Variants in TSPAN12 observed in about 807,000 individuals in gnomAD.
TSPAN12 encodes the protein tetraspanin-12.
Under a neutral mutation model 39.2 loss-of-function variants are expected in TSPAN12, and 19 were observed. The observed-to-expected ratio is 0.49, with a 90% CI of 0.34 to 0.71. The LOEUF (loss-of-function observed/expected upper bound fraction) is 0.71. Ranked by LOEUF, TSPAN12 falls within the 30% of genes least tolerant of loss-of-function variation. TSPAN12 has a pLI of 0.01. For synonymous variants in TSPAN12, 119 were observed against 124.8 expected, an observed-to-expected ratio of 0.95 and a Z score of 0.31; for missense variants, 314 against 359.9, an observed-to-expected ratio of 0.87 and a Z score of 1.03.
chr7:120,803,781 C>G (rs1433218736), intron 7 of TSPAN12, among the ~76,000 whole-genome samples: 1 of 152,106 alleles, frequency 6.6e-6, no homozygotes, highest in African/African-American at 2.4e-5. Flanking sequence ...AATAGTATGG[C>G]TTGTTTCAAT....
chr7:120,817,644 G>C (rs1794110091), intron 4 of TSPAN12, among the ~76,000 whole-genome samples: 2 of 152,158 alleles, frequency 1.3e-5, no homozygotes, highest in Non-Finnish European at 2.9e-5. Context: ...CACTGTAGCT[G>C]TGTTCCTGTG....
intron 7 of TSPAN12, among the ~76,000 whole-genome samples, chr7:120,799,670 T>C (rs1193142796): frequency 2.5e-4 from 26 of 106,114 alleles, no homozygotes; most frequent in African/African-American, 9.8e-4. Flanking sequence ...TAAAAATATA[T>C]AATTAAATAT....
chr7:120,810,199 C>A (rs1443388899), intron 6 of TSPAN12, among the ~76,000 whole-genome samples: 3 of 152,054 alleles, frequency 2.0e-5, no homozygotes, highest in Non-Finnish European at 4.4e-5. Flanking sequence ...GAAAACTTCA[C>A]AATAATTTAG....
At chr7:120,795,260 T>C (rs1793608279) in intron 7 of TSPAN12, among the ~76,000 whole-genome samples, 1 of 152,238 alleles carries the variant, frequency 6.6e-6, no homozygotes, top group South Asian at 2.1e-4. Flanking sequence ...CCCATGTTAA[T>C]AACTTCAGAT....
At chr7:120,854,470 T>C (rs1794832886) in intron 2 of TSPAN12, among the ~76,000 whole-genome samples, 1 of 152,234 alleles carries the variant, frequency 6.6e-6, no homozygotes, top group Non-Finnish European at 1.5e-5. Flanking sequence ...GCTGTATATA[T>C]GTTAACTCTA....
intron 4 of TSPAN12, among the ~76,000 whole-genome samples, chr7:120,822,499 A>ATAACAGC (rs1195772942): frequency 6.6e-6 from 1 of 152,090 alleles, no homozygotes; most frequent in Non-Finnish European, 1.5e-5. Context: ...GGAAAAAGAG[A>ATAACAGC]TAACAGCAAG....
At chr7:120,834,710 C>T (rs376448853) in intron 4 of TSPAN12, among the ~76,000 whole-genome samples, 5 of 152,164 alleles carry the variant, frequency 3.3e-5, no homozygotes, top group East Asian at 3.9e-4. Flanking sequence ...ACTTTGAATA[C>T]AGGGAAATGG....
chr7:120,840,818 A>C (rs1794563336), intron 2 of TSPAN12, among the ~76,000 whole-genome samples: 1 of 152,234 alleles, frequency 6.6e-6, no homozygotes, highest in Non-Finnish European at 1.5e-5. Flanking sequence ...GAATTTCTGT[A>C]ATATTTGCAG....
At chr7:120,800,155 G>C (rs1038274421) in intron 7 of TSPAN12, among the ~76,000 whole-genome samples, 2 of 152,012 alleles carry the variant, frequency 1.3e-5, no homozygotes, top group Non-Finnish European at 1.5e-5. Context: ...AGACAGGTGA[G>C]AGCAGTATTT....
intron 7 of TSPAN12, among the ~76,000 whole-genome samples, chr7:120,801,893 GA>G (rs780879343): frequency 1.7e-4 from 26 of 151,696 alleles, no homozygotes; most frequent in Admixed American, 1.2e-3. Context: ...TTATTTCCTG[GA>G]AAAAAAATGG....
In TSPAN12 at chr7:120,798,259, AC is replaced by A. The variant is rs139176718; in HGVS notation, c.612+8289del. 3.2e-3 allele frequency among the ~76,000 whole-genome samples: 484 copies of A among 152,316 alleles called. 4 individuals are homozygous for A. Among genetic ancestry groups the A allele is most frequent in the African/African-American group, 0.011 (451 of 41,572 alleles). ...AAGATAAAAAGGGATCTTCCCCCCT[AC>A]CAAGCCCAAATTGATCCTGCAGGGC... On this transcript the variant is annotated intron_variant, in intron 7 of 7. Transcript: ENST00000222747.
At chr7:120,828,640 GT>G (rs1455159625) in intron 4 of TSPAN12, among the ~76,000 whole-genome samples, 1 of 119,148 alleles carries the variant, frequency 8.4e-6, no homozygotes, top group East Asian at 2.7e-4. Context: ...GTTCCTTAGT[GT>G]TTTTTTCTTT....
intron 4 of TSPAN12, among the ~76,000 whole-genome samples, chr7:120,826,925 G>T (rs376957227): frequency 1.1e-4 from 17 of 152,066 alleles, no homozygotes; most frequent in African/African-American, 3.9e-4. Flanking sequence ...GTTTTACCAC[G>T]TTGGCCAGGC....
At chr7:120,848,798 AG>A (rs1275644762) in intron 2 of TSPAN12, among the ~76,000 whole-genome samples, 1 of 152,240 alleles carries the variant, frequency 6.6e-6, no homozygotes, top group Non-Finnish European at 1.5e-5. Context: ...GTCTGAGAAC[AG>A]TTTCATCCTC....
chr7:120,837,651 A>G lies in TSPAN12; in HGVS notation c.285+1126T>C, dbSNP rs182096757. On this transcript the variant is annotated intron_variant, in intron 4 of 7. Transcript: ENST00000222747. Reference sequence around the variant, plus strand: ...TTTCTATAGCATTTTGTGTTTTTCAATATTCGACCTGAACAGTTACCCTCC... The same window carrying G: ...TTTCTATAGCATTTTGTGTTTTTCAGTATTCGACCTGAACAGTTACCCTCC... Among the ~76,000 whole-genome samples the G allele has an allele frequency of 5.0e-4, 76 of 152,240 alleles. No homozygotes were observed. The Middle Eastern group carries it at 0.01, about 20-fold the overall frequency.
chr7:120,842,448 T>TAA (rs10585886), intron 2 of TSPAN12, among the ~76,000 whole-genome samples: 107 of 130,750 alleles, frequency 8.2e-4, no homozygotes, highest in Middle Eastern at 4.0e-3. Flanking sequence ...TACAAACTGT[T>TAA]AAAAAAAAAA....
intron 7 of TSPAN12, among the ~76,000 whole-genome samples, chr7:120,790,456 A>G (rs1793500373): frequency 6.6e-6 from 1 of 152,236 alleles, no homozygotes; most frequent in South Asian, 2.1e-4. Context: ...CCCAGTAGGT[A>G]CAATCTCTTG....
chr7:120,837,885 C>A (rs1484573603), intron 4 of TSPAN12, among the ~76,000 whole-genome samples: 2 of 152,202 alleles, frequency 1.3e-5, no homozygotes, highest in East Asian at 3.9e-4. Context: ...ATTGACCATG[C>A]TGGGAGAATT....
At chr7:120,812,084 A>G (rs1793994284) in intron 5 of TSPAN12, among the ~76,000 whole-genome samples, 1 of 152,210 alleles carries the variant, frequency 6.6e-6, no homozygotes, top group Non-Finnish European at 1.5e-5. Context: ...AAAAGAAAGA[A>G]CAGTTTTTAA....
Sources: allele counts gnomAD v4.1 joint callset (sites outside exome capture counted in the v4.1 genomes callset), GRCh38; gene constraint gnomAD v4.1.1; transcripts MANE v1.5; gene names NCBI Gene and HGNC (gene_info 2026-07-23, HGNC 2026-07-21).